The following CALN1 variants were observed in gnomAD, a reference collection of about 807,000 sequenced individuals.
The protein encoded by CALN1 is calneuron 1, also known as calcium-binding protein 8.
A neutral mutation model predicts 30.6 loss-of-function variants in CALN1; 17 were observed. That is an observed-to-expected ratio of 0.56 (90% confidence interval 0.38 to 0.83). CALN1 has a LOEUF of 0.83. CALN1 is among the 40% of genes least tolerant of loss of function. CALN1 has a pLI of 0.00. For missense variants in CALN1, 291 were observed against 354.9 expected (o/e 0.82, Z 1.45); for synonymous variants, 156 against 131.4 (o/e 1.19, Z -1.28).
At chr7:71,789,472 C>T (rs1037831267) in intron 6 of CALN1, among the ~76,000 whole-genome samples, 25 of 152,048 alleles carry the variant, frequency 1.6e-4, no homozygotes, top group Non-Finnish European at 4.4e-5. Flanking sequence ...GCATCAGAGG[C>T]TCTGGGAGTG....
chr7:72,072,276 CA>C (rs1203742522), intron 4 of CALN1, among the ~76,000 whole-genome samples: 1 of 152,148 alleles, frequency 6.6e-6, no homozygotes, highest in Non-Finnish European at 1.5e-5. Flanking sequence ...GAGAGAGAAG[CA>C]TATTTCCACA....
At chr7:71,904,702 A>G (rs2116962793) in intron 5 of CALN1, among the ~76,000 whole-genome samples, 1 of 152,314 alleles carries the variant, frequency 6.6e-6, no homozygotes, top group Middle Eastern at 3.4e-3. Flanking sequence ...TGCATTCTCC[A>G]CAAAAATGAT....
chr7:71,798,823 A>G (rs973115907), intron 6 of CALN1, among the ~76,000 whole-genome samples: 9 of 150,484 alleles, frequency 6.0e-5, no homozygotes, highest in Admixed American at 2.0e-4. Context: ...ATGGGGTTTC[A>G]CCATGTTGGC....
intron 5 of CALN1, among the ~76,000 whole-genome samples, chr7:71,867,316 A>G (rs1260587192): frequency 6.6e-6 from 1 of 152,212 alleles, no homozygotes; most frequent in Non-Finnish European, 1.5e-5. Flanking sequence ...TATAAAATAC[A>G]TCAAAATGTC....
At chr7:72,433,475 G>A (rs1376742251) in intron 1 of CALN1, among the ~76,000 whole-genome samples, 1 of 152,088 alleles carries the variant, frequency 6.6e-6, no homozygotes, top group Non-Finnish European at 1.5e-5. Context: ...CCAAGGCTGG[G>A]AGCCCTCCCC....
In CALN1 at chr7:71,924,171, C is replaced by T. The variant is rs112270446; in HGVS notation, c.501+99486G>A. Among the ~76,000 whole-genome samples, 1,139 of 132,346 alleles carry T rather than the reference C, an allele frequency of 8.6e-3. 16 individuals carry two copies. The highest frequency in any genetic ancestry group is 0.031 in the African/African-American group (1,087 of 34,686). The allele number at this position is 132,346 out of a possible 152,430, so 86.8% of individuals were successfully genotyped here. A position where few individuals can be genotyped will look rare whatever the true frequency, so the allele number is the denominator to read the frequency against. ...TTGCGCCATTTCACTCCAGCCTAGG[C>T]GACAAGAGTGAAACTCAGTCTCAAA... On this transcript the variant is annotated intron_variant, in intron 5 of 6. Coordinates refer to ENST00000395275, the MANE Select transcript of CALN1 (RefSeq NM_031468.4).
At chr7:71,963,324 G>A (rs1004571847) in intron 5 of CALN1, among the ~76,000 whole-genome samples, 7 of 151,744 alleles carry the variant, frequency 4.6e-5, no homozygotes, top group Admixed American at 6.6e-5. Flanking sequence ...CACCACGCCC[G>A]GCTAATTTTT....
intron 3 of CALN1, among the ~76,000 whole-genome samples, chr7:72,153,037 T>C (rs908515698): frequency 3.9e-5 from 6 of 152,172 alleles, no homozygotes; most frequent in African/African-American, 1.4e-4. Context: ...AGAACCTCAG[T>C]GTTCACACTG....
chr7:72,451,878 C>G (rs1465620207), upstream of CALN1, among the ~76,000 whole-genome samples: 1 of 151,770 alleles, frequency 6.6e-6, no homozygotes, highest in Non-Finnish European at 1.5e-5. Context: ...CTAAGAAACT[C>G]TATTTTGGGG....
chr7:72,473,832 G>T, the CALN1 span, among the ~76,000 whole-genome samples: 1 of 151,874 alleles, frequency 6.6e-6, no homozygotes, highest in Admixed American at 6.6e-5. Flanking sequence ...TACCTGGGAG[G>T]CTGGGAGAAT....
intron 3 of CALN1, among the ~76,000 whole-genome samples, chr7:72,201,070 C>A (rs1303075167): frequency 6.6e-6 from 1 of 152,162 alleles, no homozygotes; most frequent in Non-Finnish European, 1.5e-5. Context: ...GTAGTATATA[C>A]ACACCATGAC....
intron 3 of CALN1, among the ~76,000 whole-genome samples, chr7:72,119,534 G>A (rs1808232523): frequency 6.6e-6 from 1 of 151,328 alleles, no homozygotes; most frequent in African/African-American, 2.4e-5. Context: ...AAAAACCAGA[G>A]CTAACCCTAC....
chr7:72,235,265 C>G (rs181931145), intron 3 of CALN1, among the ~76,000 whole-genome samples: 1 of 151,758 alleles, frequency 6.6e-6, no homozygotes, highest in East Asian at 1.9e-4. Context: ...CACAGTGAGA[C>G]TCTGTCTCAA....
chr7:72,219,925 CATTGATTA>C (rs1469299435), intron 3 of CALN1, among the ~76,000 whole-genome samples: 2 of 151,984 alleles, frequency 1.3e-5, no homozygotes, highest in Admixed American at 6.6e-5. Context: ...CAGAAAAACA[CATTGATTA>C]GCCTCCTATA....
At chr7:72,229,153 G>A (rs772855587) in intron 3 of CALN1, among the ~76,000 whole-genome samples, 1 of 151,904 alleles carries the variant, frequency 6.6e-6, no homozygotes, top group Non-Finnish European at 1.5e-5. Context: ...GGGTGCTGTG[G>A]GAGGCAGAAA....
chr7:72,371,027 G>A (rs1457818773), intron 2 of CALN1, among the ~76,000 whole-genome samples: 1 of 128,000 alleles, frequency 7.8e-6, no homozygotes, highest in Admixed American at 8.9e-5. Flanking sequence ...CAACTTTGGT[G>A]ACAGAGCAAA....
At chr7:72,026,353 A>G (rs1358862884) in intron 4 of CALN1, among the ~76,000 whole-genome samples, 2 of 152,070 alleles carry the variant, frequency 1.3e-5, no homozygotes, top group African/African-American at 4.8e-5. Flanking sequence ...TGGGAGGCCG[A>G]GGCAGGTGGA....
At chr7:72,486,707 AC>A in the CALN1 span, among the ~76,000 whole-genome samples, 1 of 152,106 alleles carries the variant, frequency 6.6e-6, no homozygotes, top group East Asian at 1.9e-4. Context: ...CTACCTCTTC[AC>A]TTGTATGTAG....
At chr7:72,004,593 A>T (rs542918844) in intron 5 of CALN1, among the ~76,000 whole-genome samples, 1 of 152,310 alleles carries the variant, frequency 6.6e-6, no homozygotes, top group South Asian at 2.1e-4. Context: ...GAGAATGAAA[A>T]GATAAACTAC....
Sources: gnomAD v4.1 joint callset for allele counts (sites outside exome capture counted in the v4.1 genomes callset) on GRCh38, gnomAD v4.1.1 for gene constraint, MANE v1.5 for transcripts, NCBI Gene and HGNC (gene_info 2026-07-23, HGNC 2026-07-21) for gene names.